ZNF239: variants seen among roughly 807,000 people sequenced by gnomAD.
ZNF239 encodes zinc finger protein (C2H2) homologous to mouse MOK-2.
ZNF239 carries 16 observed loss-of-function variants against 27.5 expected under a neutral mutation model. The ratio of observed to expected loss-of-function variants is 0.58; its 90% CI spans 0.39 to 0.88. The LOEUF (loss-of-function observed/expected upper bound fraction) is 0.88, where lower values mean the gene tolerates loss of function less well. Ranked by LOEUF, ZNF239 falls within the 40% of genes least tolerant of loss-of-function variation. The pLI is 0.00. For missense variants in ZNF239, 527 were observed against 551.9 expected, an observed-to-expected ratio of 0.95 and a Z score of 0.45; for synonymous variants, 199 against 192.6, an observed-to-expected ratio of 1.03 and a Z score of -0.27.
At chr10:43,568,366 T>C (rs1837821642) in intron 2 of ZNF239, 1 of 985,312 alleles carries the variant, frequency 1.0e-6, no homozygotes, top group African/African-American at 1.7e-5. Context: ...AGGAACAATT[T>C]ACCCAACACT....
At chr10:43,560,135 A>T (rs1273672975) in intron 3 of ZNF239, among the ~76,000 whole-genome samples, 1 of 152,224 alleles carries the variant, frequency 6.6e-6, no homozygotes, top group Non-Finnish European at 1.5e-5. Flanking sequence ...TCCTCTTAGA[A>T]ATAGAAATAT....
At chr10:43,568,762 G>A (rs1309834076) in intron 2 of ZNF239, among the ~76,000 whole-genome samples, 2 of 152,138 alleles carry the variant, frequency 1.3e-5, no homozygotes, top group East Asian at 1.9e-4. Context: ...AAACTTAACA[G>A]GCCCTAGCTG....
At chr10:43,566,034 A>C (rs1837625535) in intron 3 of ZNF239, among the ~76,000 whole-genome samples, 1 of 152,184 alleles carries the variant, frequency 6.6e-6, no homozygotes, top group South Asian at 2.1e-4. Context: ...TGAAAGAGAC[A>C]AAAGTTCAGT....
intron 3 of ZNF239, among the ~76,000 whole-genome samples, chr10:43,565,530 C>G (rs1377512042): frequency 6.6e-6 from 1 of 151,892 alleles, no homozygotes; most frequent in Non-Finnish European, 1.5e-5. Flanking sequence ...AAGAAAAAGG[C>G]CGAGAAACAC....
At chr10:43,567,184 G>A (rs1281939100) in intron 3 of ZNF239, among the ~76,000 whole-genome samples, 1 of 152,178 alleles carries the variant, frequency 6.6e-6, no homozygotes, top group Non-Finnish European at 1.5e-5. Flanking sequence ...TCTATTTGTA[G>A]GGTATGAGAG....
At chr10:43,564,012 C>A (rs1279583517) in intron 3 of ZNF239, among the ~76,000 whole-genome samples, 2 of 152,136 alleles carry the variant, frequency 1.3e-5, no homozygotes, top group Non-Finnish European at 2.9e-5. Context: ...CATAACTGAG[C>A]CAGGCCATGT....
At chr10:43,566,658 G>C (rs1242788439) in intron 3 of ZNF239, among the ~76,000 whole-genome samples, 2 of 152,056 alleles carry the variant, frequency 1.3e-5, no homozygotes, top group African/African-American at 4.8e-5. Context: ...CAACCTAGTA[G>C]GTATACATTC....
chr10:43,567,869 AGG>A (rs1837784842), intron 3 of ZNF239, 28 bp downstream of exon 3: 1 of 974,006 alleles, frequency 1.0e-6, no homozygotes, highest in Non-Finnish European at 1.2e-6. Context: ...GCCAATGGGC[AGG>A]TGTCCAAGTT....
intron 2 of ZNF239, among the ~76,000 whole-genome samples, chr10:43,571,327 CA>C (rs2132307749): frequency 6.7e-6 from 1 of 150,202 alleles, no homozygotes; most frequent in Admixed American, 6.7e-5. Context: ...AGTCATTCAA[CA>C]CATTACACTT....
At chr10:43,570,013 C>T (rs1837931785) in intron 2 of ZNF239, among the ~76,000 whole-genome samples, 1 of 152,162 alleles carries the variant, frequency 6.6e-6, no homozygotes, top group Non-Finnish European at 1.5e-5. Context: ...GGGCTGGCAC[C>T]ACTCTCTAAG....
intron 3 of ZNF239, 21 bp downstream of exon 3, chr10:43,567,878 A>G: frequency 5.1e-6 from 5 of 984,846 alleles, no homozygotes; most frequent in Non-Finnish European, 6.0e-6. Context: ...CAGGTGTCCA[A>G]GTTCACATGT....
At chr10:43,558,932 G>C (rs1340252024) in intron 3 of ZNF239, among the ~76,000 whole-genome samples, 1 of 151,604 alleles carries the variant, frequency 6.6e-6, no homozygotes, top group African/African-American at 2.4e-5. Context: ...TACAGTACAA[G>C]AGATGTATGC....
intron 3 of ZNF239, among the ~76,000 whole-genome samples, chr10:43,561,836 C>T (rs1265154537): frequency 6.6e-6 from 1 of 151,876 alleles, no homozygotes; most frequent in Admixed American, 6.6e-5. Flanking sequence ...AAAACAAAAA[C>T]CCCCAAACCC....
In ZNF239 at chr10:43,556,870, G is replaced by T. The variant is rs768406570; in HGVS notation, c.1210C>A (p.His404Asn). Residue 404 changes from histidine to asparagine, a missense_variant, in exon 4 of 4, where the codon CAC (histidine) becomes AAC (asparagine). Coordinates refer to ENST00000374446, the MANE Select transcript of ZNF239 (RefSeq NM_001099282.2). ...LRVHTGEKPY[H>N]CGKCGKGFSQ... The stretch of plus-strand genomic sequence containing the variant: ...AATCCCTTCCCACACTTGCCACAGT[G>T]ATAGGGCTTCTCTCCAGTGTGGACT... 19 of 1,609,674 alleles carry T rather than the reference G, an allele frequency of 1.2e-5. No homozygotes were observed. In the Middle Eastern group the frequency reaches 6.6e-4, roughly 56 times the overall value.
chr10:43,566,719 A>G (rs1389504234), intron 3 of ZNF239, among the ~76,000 whole-genome samples: 1 of 152,198 alleles, frequency 6.6e-6, no homozygotes, highest in Non-Finnish European at 1.5e-5. Context: ...TAATGGCTAC[A>G]TACTTTTCTG....
At chr10:43,561,967 A>G (rs987508477) in intron 3 of ZNF239, among the ~76,000 whole-genome samples, 9 of 152,270 alleles carry the variant, frequency 5.9e-5, no homozygotes, top group African/African-American at 2.2e-4. Flanking sequence ...CAGAGGAAAA[A>G]TAAAAAAATT....
intron 3 of ZNF239, among the ~76,000 whole-genome samples, chr10:43,561,334 AAAACAAACAAAC>A (rs10647144): frequency 1.3e-5 from 2 of 150,846 alleles, no homozygotes; most frequent in African/African-American, 2.4e-5. Context: ...CTTCAAGGAA[AAAACAAACAAAC>A]AAACAAACAA....
chr10:43,562,809 A>C (rs1320352967), intron 3 of ZNF239, among the ~76,000 whole-genome samples: 1 of 152,202 alleles, frequency 6.6e-6, no homozygotes, highest in East Asian at 1.9e-4. Flanking sequence ...AAAGAAAAAC[A>C]GGGCAGTTTG....
Position 43,557,678 on chromosome 10 carries a change from A to ACCATTTAACAATGGCGAGG in ZNF239, c.383_401dup (p.Glu135LeufsTer7). On this transcript the variant is annotated frameshift_variant, in exon 4 of 4. Transcript: ENST00000374446. LOFTEE classifies it high-confidence loss of function. ...ACTGGCCATTCTGGCAAGTTGCCTC[A>ACCATTTAACAATGGCGAGG]CCATTTAACAATGGCGAGGCCAGTT... 1.2e-6 allele frequency: 2 copies of ACCATTTAACAATGGCGAGG among 1,614,130 alleles called. No individual in the cohort carries two copies. The highest frequency in any genetic ancestry group is 1.7e-6 in the Non-Finnish European group (2 of 1,180,028).
Sources: gnomAD v4.1 joint callset for allele counts (sites outside exome capture counted in the v4.1 genomes callset) on GRCh38, gnomAD v4.1.1 for gene constraint, MANE v1.5 for transcripts, NCBI Gene and HGNC (gene_info 2026-07-23, HGNC 2026-07-21) for gene names.